The following PXDN variants were observed in gnomAD, a reference collection of about 807,000 sequenced individuals.
PXDN encodes the protein peroxidasin, also known as peroxidasin homolog.
PXDN carries 77 observed loss-of-function variants against 140.3 expected under a neutral mutation model. The observed-to-expected ratio is 0.55, with a 90% CI of 0.46 to 0.66. The LOEUF (loss-of-function observed/expected upper bound fraction) is 0.66. Among genes scored for constraint, PXDN ranks in the 30% least tolerant of loss-of-function variants. The pLI, the probability that PXDN is intolerant of heterozygous loss-of-function variation, is 0.00. For synonymous variants in PXDN, 911 were observed against 857.4 expected (o/e 1.06, Z -1.09); for missense variants, 1,838 against 2,039.5 (o/e 0.90, Z 1.90).
intron 13 of PXDN, among the ~76,000 whole-genome samples, chr2:1,661,426 G>A (rs1329126921): frequency 6.6e-6 from 1 of 152,222 alleles, no homozygotes; most frequent in East Asian, 1.9e-4. Flanking sequence ...AGGATTCAGA[G>A]GCAGACGCAG....
Position 1,730,709 on chromosome 2 carries a change from C to T in PXDN, c.200+13547G>A, listed in dbSNP as rs139128996. ...CTGCTGGCTTCCTTCTAAGCCTCCA[C>T]TGGTGACCCATTACTTCTCTAATTA... On this transcript the variant is annotated intron_variant, in intron 1 of 22. Transcript: ENST00000252804. Among the ~76,000 whole-genome samples, 1,001 of 152,286 alleles carry T rather than the reference C, an allele frequency of 6.6e-3. 10 individuals are homozygous for T. The highest frequency in any genetic ancestry group is 0.022 in the African/African-American group (905 of 41,564).
rs536885286 is a variant in PXDN, at chr2:1,715,004, C to T, written c.201-21870G>A. On this transcript the variant is annotated intron_variant, in intron 1 of 22. Coordinates refer to ENST00000252804, the MANE Select transcript of PXDN (RefSeq NM_012293.3). ...CCATTAATACAAAGCCCCCTCCCCC[C>T]ATCCCCGGCTTACAAATAAACAATA... 4.6e-5 allele frequency among the ~76,000 whole-genome samples: 7 copies of T among 152,284 alleles called. No homozygotes were observed. In the South Asian group the frequency reaches 6.2e-4, roughly 14 times the overall value.
chr2:1,702,991 G>GTGGGCAACTCCAGGTGAAGGTA (rs1684473601), intron 1 of PXDN, among the ~76,000 whole-genome samples: 1 of 85,556 alleles, frequency 1.2e-5, no homozygotes, highest in African/African-American at 4.7e-5. Flanking sequence ...CAGGTGAAGG[G>GTGGGCAACTCCAGGTGAAGGTA]GGGGACAACT....
chr2:1,680,471 C>A (rs1683871750), intron 6 of PXDN, 109 bp from the exon 7 acceptor site: 2 of 1,363,612 alleles, frequency 1.5e-6, no homozygotes, highest in African/African-American at 1.4e-5. Context: ...GCCAGGCCTG[C>A]CAGGCTTGCG....
At chr2:1,689,740 C>T (rs1684143872) in intron 3 of PXDN, among the ~76,000 whole-genome samples, 1 of 151,252 alleles carries the variant, frequency 6.6e-6, no homozygotes, top group East Asian at 1.9e-4. Context: ...GCCGAGATCA[C>T]ACCACCGCAC....
intron 1 of PXDN, among the ~76,000 whole-genome samples, chr2:1,716,204 G>A (rs1271241879): frequency 6.6e-6 from 1 of 152,172 alleles, no homozygotes; most frequent in Non-Finnish European, 1.5e-5. Context: ...TTGGCAGGCT[G>A]AGGAGGGTGG....
intron 22 of PXDN, among the ~76,000 whole-genome samples, chr2:1,634,924 C>A (rs1183787544): frequency 1.3e-5 from 2 of 151,044 alleles, no homozygotes; most frequent in Admixed American, 1.3e-4. Flanking sequence ...GGCACCAGGG[C>A]ACCCTCCACC....
chr2:1,675,926 G>A (rs537065072), intron 8 of PXDN, among the ~76,000 whole-genome samples: 15 of 152,280 alleles, frequency 9.9e-5, no homozygotes, highest in East Asian at 3.9e-4. Flanking sequence ...GGGCTGGGCC[G>A]GCAGGAGGAG....
chr2:1,744,579 A>C (rs1318867412), upstream of PXDN: 1 of 818,814 alleles, frequency 1.2e-6, no homozygotes, highest in Admixed American at 4.6e-5. Flanking sequence ...AGCTGTGCAC[A>C]TGCGCGAGGC....
At chr2:1,699,338 A>AT (rs1171923945) in intron 1 of PXDN, among the ~76,000 whole-genome samples, 4 of 152,196 alleles carry the variant, frequency 2.6e-5, no homozygotes, top group African/African-American at 9.6e-5. Context: ...CATAATACTG[A>AT]TTTTTAAAAT....
chr2:1,654,047 GA>G, intron 15 of PXDN: 1 of 504,814 alleles, frequency 2.0e-6, no homozygotes, highest in Non-Finnish European at 3.5e-6. Context: ...ATAAGATGCA[GA>G]AAAACTGCTT....
chr2:1,644,049 G>A (rs1398263605), intron 18 of PXDN, among the ~76,000 whole-genome samples: 1 of 114,124 alleles, frequency 8.8e-6, no homozygotes, highest in Non-Finnish European at 1.7e-5. Context: ...TCCAGCCTGG[G>A]TGACAGAGCA....
chr2:1,644,968 C>A (rs1682818133), intron 17 of PXDN, among the ~76,000 whole-genome samples: 1 of 152,124 alleles, frequency 6.6e-6, no homozygotes, highest in South Asian at 2.1e-4. Context: ...CACACACACA[C>A]AAACGCATTT....
In PXDN at chr2:1,690,075, CA is replaced by C. The variant is rs1684151812; in HGVS notation, c.344+1852del. 2.6e-5 allele frequency among the ~76,000 whole-genome samples: 4 copies of C among 152,200 alleles called. No homozygotes were observed. The South Asian group carries it at 8.3e-4, about 31-fold the overall frequency. On this transcript the variant is annotated intron_variant, in intron 3 of 22. Coordinates refer to ENST00000252804, the MANE Select transcript of PXDN (RefSeq NM_012293.3). ...TATAGGTTGTACACAGGTGAAATCA[CA>C]GCATTTAACTCTCACACAGTTTCCT...
intron 17 of PXDN, chr2:1,645,984 G>C (rs1332022435): frequency 6.6e-6 from 1 of 152,278 alleles, no homozygotes; most frequent in Non-Finnish European, 1.5e-5. Context: ...TCGCAGTTCC[G>C]GAATGTCCCA....
intron 1 of PXDN, among the ~76,000 whole-genome samples, chr2:1,731,110 C>T (rs1400998563): frequency 6.6e-6 from 1 of 151,940 alleles, no homozygotes; most frequent in Admixed American, 6.6e-5. Context: ...GCAGGCAGAG[C>T]TGCTCCATCC....
intron 9 of PXDN, among the ~76,000 whole-genome samples, chr2:1,668,718 T>C (rs1683506445): frequency 6.6e-6 from 1 of 152,002 alleles, no homozygotes; most frequent in Non-Finnish European, 1.5e-5. Context: ...TCACTGGTCA[T>C]TAGAGAAATG....
intron 8 of PXDN, among the ~76,000 whole-genome samples, chr2:1,675,356 A>G (rs552333841): frequency 6.6e-6 from 1 of 152,224 alleles, no homozygotes; most frequent in South Asian, 2.1e-4. Flanking sequence ...GCGGGCATCA[A>G]TTTTTTCGTA....
chr2:1,658,071 T>C (rs925868981), intron 14 of PXDN, among the ~76,000 whole-genome samples: 3,360 of 53,372 alleles, frequency 0.063, 896 homozygotes, highest in Non-Finnish European at 0.097. Context: ...TCTCTCTCTC[T>C]CTCTCTCTCT....
Sources: allele counts gnomAD v4.1 joint callset (sites outside exome capture counted in the v4.1 genomes callset), GRCh38; gene constraint gnomAD v4.1.1; transcripts MANE v1.5; gene names NCBI Gene and HGNC (gene_info 2026-07-23, HGNC 2026-07-21).